SMG5: variants seen among roughly 807,000 people sequenced by gnomAD.
SMG5 encodes SMG5 nonsense mediated mRNA decay factor.
In SMG5, 53 loss-of-function variants were observed where a neutral mutation model predicts 122.9. The ratio of observed to expected loss-of-function variants is 0.43; its 90% CI spans 0.35 to 0.54. SMG5 has a LOEUF of 0.54. Ranked by LOEUF, SMG5 falls within the 20% of genes least tolerant of loss-of-function variation. SMG5 has a pLI of 0.01. For missense variants in SMG5, 1,153 were observed against 1,285.6 expected (o/e 0.90, Z 1.58); for synonymous variants, 477 against 490.2 (o/e 0.97, Z 0.35).
chr1:156,260,518 G>A lies in SMG5; in HGVS notation c.2216C>T (p.Pro739Leu), dbSNP rs143050262. 18 of 1,587,962 alleles carry A rather than the reference G, an allele frequency of 1.1e-5. No individual in the cohort carries two copies. The highest frequency in any genetic ancestry group is 1.7e-4 in the Middle Eastern group (1 of 6,002). ...AAAGCGTCTGTGGGCAGCTCGGAGC[G>A]GGGGCAGGTTACGAAGAGCCATGTC... ...PEDMALRNLP[P>L]LRAAHRRFNF... Residue 739 changes from proline to leucine, a missense_variant, in exon 15 of 22, where the codon CCG becomes CTG. By Grantham distance (98) the Pro-to-Leu change is moderately conservative. Around this residue, in one of 5 missense-constraint regions of SMG5, gnomAD observed 631 missense variants for 650.6 expected, o/e 0.97. Transcript: ENST00000361813.
chr1:156,270,032 T>C (rs1383408189), intron 7 of SMG5, among the ~76,000 whole-genome samples: 1 of 152,062 alleles, frequency 6.6e-6, no homozygotes, highest in Non-Finnish European at 1.5e-5. Flanking sequence ...AGAGCAAGAC[T>C]CTGTCTCAAA....
At chr1:156,264,841 C>A (rs1209864109) in intron 12 of SMG5, among the ~76,000 whole-genome samples, 1 of 152,128 alleles carries the variant, frequency 6.6e-6, no homozygotes, top group Non-Finnish European at 1.5e-5. Flanking sequence ...GCCTGGCCAA[C>A]ATGGCGAAAC....
chr1:156,277,808 A>C (rs1662750375), intron 3 of SMG5, 117 bp downstream of exon 3: 1 of 1,379,334 alleles, frequency 7.2e-7, no homozygotes, highest in African/African-American at 1.4e-5. Context: ...CACCGTGCCC[A>C]GCCTCTTACT....
Position 156,249,970 on chromosome 1 carries a change from G to A in SMG5, c.*617C>T, listed in dbSNP as rs776134234. 6.4e-6 allele frequency: 3 copies of A among 470,444 alleles called. No homozygotes were observed. The highest frequency in any genetic ancestry group is 4.7e-5 in the South Asian group (3 of 64,516). 29.1% of individuals were successfully genotyped at this position (470,444 alleles called of 1,614,324 possible). ...TGTGCAGCCCCTGCAGCAGGAGGAGGAGCACACGAACCCTGACCCTGCTAC... is the reference window on the plus strand; with the variant it reads ...TGTGCAGCCCCTGCAGCAGGAGGAGAAGCACACGAACCCTGACCCTGCTAC... On this transcript the variant is annotated 3_prime_UTR_variant, in exon 22 of 22. Transcript: ENST00000361813.
chr1:156,276,974 G>T, intron 4 of SMG5, 111 bp downstream of exon 4: 3 of 1,064,302 alleles, frequency 2.8e-6, no homozygotes, highest in Admixed American at 2.4e-5. Context: ...ATGTAGTTCT[G>T]CTAGAACTCT....
In SMG5 at chr1:156,249,598, G is replaced by A. The variant is rs1661217027; in HGVS notation, c.*989C>T. 1 of 386,060 alleles carries A rather than the reference G, an allele frequency of 2.6e-6. No individual in the cohort carries two copies. The highest frequency in any genetic ancestry group is 2.0e-5 in the South Asian group (1 of 49,760). 23.9% of individuals were successfully genotyped at this position (386,060 alleles called of 1,614,324 possible). A position where few individuals can be genotyped will look rare whatever the true frequency, so the allele number is the denominator to read the frequency against. On this transcript the variant is annotated 3_prime_UTR_variant, in exon 22 of 22. Coordinates refer to ENST00000361813, the MANE Select transcript of SMG5 (RefSeq NM_015327.3). Reference sequence around the variant, plus strand: ...ACACTCCAAAAGCCAGCCCCTTCAGGTCTTCAGTCCTGCGGAAGGCAAAAG... The same window carrying A: ...ACACTCCAAAAGCCAGCCCCTTCAGATCTTCAGTCCTGCGGAAGGCAAAAG...
chr1:156,260,380 C>T (rs1661762213), intron 15 of SMG5, 71 bp downstream of exon 15: 1 of 1,541,264 alleles, frequency 6.5e-7, no homozygotes, highest in African/African-American at 1.4e-5. Context: ...CCTCCCTCCC[C>T]AGATCTGAAC....
chr1:156,250,773 A>G, intron 21 of SMG5, 85 bp downstream of exon 21: 1 of 1,603,384 alleles, frequency 6.2e-7, no homozygotes, highest in Non-Finnish European at 8.5e-7. Flanking sequence ...AAAAAAAGGT[A>G]GCTATGTGGA....
Position 156,266,663 on chromosome 1 carries a change from C to A in SMG5, c.1133G>T (p.Ser378Ile), listed in dbSNP as rs1662165045. The part of the protein sequence containing the change: ...SLERAGSKQY[S>I]AAIAFTLALF... ...GGCCAGGGTGAAGGCAATGGCTGCACTGTACTGCTTGGATCCTGAAGTCAG... is the reference window on the plus strand; with the variant it reads ...GGCCAGGGTGAAGGCAATGGCTGCAATGTACTGCTTGGATCCTGAAGTCAG... Residue 378 changes from serine (S) to isoleucine (I), a missense_variant, in exon 11 of 22, where the codon AGT becomes ATT. Physicochemically the swap from Ser to Ile is moderately radical, Grantham distance 142 (BLOSUM62 -2). Around this residue, in one of 5 missense-constraint regions of SMG5, gnomAD observed 631 missense variants for 650.6 expected, o/e 0.97. Transcript: ENST00000361813. The A allele has an allele frequency of 6.2e-7, 1 of 1,614,190 alleles. No individual in the cohort carries two copies. The highest frequency in any genetic ancestry group is 8.5e-7 in the Non-Finnish European group (1 of 1,180,034).
chr1:156,285,844 C>T (rs36114587), upstream of SMG5: 31 of 1,613,552 alleles, frequency 1.9e-5, no homozygotes, highest in Non-Finnish European at 2.3e-5. Context: ...CCGTGGGAGC[C>T]GCACTCATTC....
At position 156,282,738 on chromosome 1, in the gene SMG5, C is replaced by T. The variant is rs1663022161; in HGVS notation, c.-58G>A. 1 of 1,526,224 alleles carries T rather than the reference C, an allele frequency of 6.6e-7. No homozygotes were observed. Among genetic ancestry groups the T allele is most frequent in the Non-Finnish European group, 8.8e-7 (1 of 1,135,182 alleles). The allele number at this position is 1,526,224 out of a possible 1,614,324, so 94.5% of individuals were successfully genotyped here. A position where few individuals can be genotyped will look rare whatever the true frequency, so the allele number is the denominator to read the frequency against. ...AGGCCCCTGCCACCCACCACTACCG[C>T]CAACACTGCCGTCTCCGGCCGTAGC... On this transcript the variant is annotated 5_prime_UTR_variant, in exon 1 of 22. Transcript: ENST00000361813.
the SMG5 span, chr1:156,291,108 TA>T: frequency 2.4e-6 from 1 of 425,332 alleles, no homozygotes; most frequent in Non-Finnish European, 4.3e-6. Flanking sequence ...ACCATGTCTC[TA>T]AAAAAATAAA....
At chr1:156,251,139 A>T in intron 20 of SMG5, 143 bp from the exon 21 acceptor site, 1 of 1,168,410 alleles carries the variant, frequency 8.6e-7, no homozygotes, top group Non-Finnish European at 1.2e-6. Flanking sequence ...CCCTGGAGAC[A>T]TATGGGGAGC....
chr1:156,253,236 A>G (rs1425470050), intron 17 of SMG5, among the ~76,000 whole-genome samples, 158 bp from the exon 18 acceptor site: 1 of 152,176 alleles, frequency 6.6e-6, no homozygotes, highest in Non-Finnish European at 1.5e-5. Flanking sequence ...GTAAACAGAA[A>G]TAAGAGTTAA....
rs1252532672 is a variant in SMG5 at position 156,250,928 on chromosome 1, G to A, written c.2897C>T (p.Pro966Leu). The change falls in exon 21 of 22, where the codon CCG becomes CTG. Residue 966 changes from proline (P) to leucine (L), a missense_variant. Pro to Leu is a moderately conservative substitution (Grantham distance 98). Transcript: ENST00000361813. ...TLAQGAGEEDPSGMVTIITGL... is the reference protein window; with the variant it reads ...TLAQGAGEEDLSGMVTIITGL... ...TGTGATGATGGTCACCATGCCACTC[G>A]GATCCTCCTCACCTGCCCCCTGGGC... The A allele has an allele frequency of 5.0e-6, 8 of 1,613,798 alleles. No individual in the cohort carries two copies. The highest frequency in any genetic ancestry group is 1.6e-4 in the Middle Eastern group (1 of 6,074).
chr1:156,272,847 G>C (rs1199901086), intron 6 of SMG5, among the ~76,000 whole-genome samples: 1 of 151,930 alleles, frequency 6.6e-6, no homozygotes, highest in East Asian at 1.9e-4. Flanking sequence ...TACAAACGTT[G>C]AGCCACCGCG....
Position 156,266,565 on chromosome 1 carries a change from G to T in SMG5, c.1231C>A (p.Pro411Thr), listed in dbSNP as rs1176352310. 2 of 1,614,164 alleles carry T rather than the reference G, an allele frequency of 1.2e-6. No individual in the cohort carries two copies. Among genetic ancestry groups the T allele is most frequent in the East Asian group, 4.5e-5 (2 of 44,868 alleles). ...CCTGTGCCATCACTCTGGAATGCCG[G>T]GACGGGATTCTCGCCCTCTTCCAGC... ...AELEEGENPV[P>T]AFQSDGTDEP... Residue 411 changes from proline (P) to threonine (T), a missense_variant, in exon 11 of 22, where the codon CCG becomes ACG. Coordinates refer to ENST00000361813, the MANE Select transcript of SMG5 (RefSeq NM_015327.3).
intron 12 of SMG5, among the ~76,000 whole-genome samples, chr1:156,264,892 G>A (rs1442160613): frequency 6.6e-6 from 1 of 151,720 alleles, no homozygotes. Flanking sequence ...CGGGCATGGT[G>A]GTGCGTGCCT....
At chr1:156,257,790 C>T (rs1039931865) in intron 16 of SMG5, among the ~76,000 whole-genome samples, 1 of 152,048 alleles carries the variant, frequency 6.6e-6, no homozygotes, top group African/African-American at 2.4e-5. Context: ...AGCTACTGGC[C>T]CTGGGACAGG....
Sources: gnomAD v4.1 joint callset for allele counts (sites outside exome capture counted in the v4.1 genomes callset) on GRCh38, gnomAD v4.1.1 for gene constraint, gnomAD v4.1.1 regional missense constraint, MANE v1.5 for transcripts, NCBI Gene and HGNC (gene_info 2026-07-23, HGNC 2026-07-21) for gene names.